The following CMIP variants were observed in gnomAD, a reference collection of about 807,000 sequenced individuals.
The protein encoded by CMIP is C-Maf-inducing protein.
A neutral mutation model predicts 97.3 loss-of-function variants in CMIP; 13 were observed. The observed-to-expected ratio is 0.13, with a 90% CI of 0.09 to 0.21. The LOEUF is 0.21. Among genes scored for constraint, CMIP ranks in the 10% least tolerant of loss-of-function variants. CMIP has a pLI of 1.00. For missense variants in CMIP, 847 were observed against 1,024.9 expected, an observed-to-expected ratio of 0.83 and a Z score of 2.37; for synonymous variants, 538 against 436.3, an observed-to-expected ratio of 1.23 and a Z score of -2.91.
chr16:81,614,698 A>G lies in CMIP; in HGVS notation c.427-6178A>G, dbSNP rs760440571. Among the ~76,000 whole-genome samples the G allele has an allele frequency of 3.5e-4, 51 of 144,918 alleles. No homozygotes were observed. Among genetic ancestry groups the G allele is most frequent in the Non-Finnish European group, 7.0e-4 (46 of 65,726 alleles). The stretch of plus-strand genomic sequence containing the variant: ...ATGGTTTATGTGTGTGTGTGTGTGT[A>G]TGGTATGTCTGCATGTGTGTGCGTA... On this transcript the variant is annotated intron_variant, in intron 2 of 20. Transcript: ENST00000537098. The surrounding 1 kb of genome is among the most constrained non-coding windows in gnomAD (Gnocchi z 5.3).
At chr16:81,672,325 C>G (rs529353365) in intron 9 of CMIP, among the ~76,000 whole-genome samples, 1 of 152,330 alleles carries the variant, frequency 6.6e-6, no homozygotes, top group South Asian at 2.1e-4. Flanking sequence ...GCTTTAGGGA[C>G]AGATGTTTTA....
chr16:81,667,799 A>AGAGAGTGTGTGTGTGTGT, intron 7 of CMIP, among the ~76,000 whole-genome samples: 44 of 58,132 alleles, frequency 7.6e-4, no homozygotes, highest in Non-Finnish European at 1.1e-3. Context: ...AGAGAGAGAG[A>AGAGAGTGTGTGTGTGTGT]GTGTGTGTGT....
chr16:81,527,526 T>C (rs1221428151), intron 1 of CMIP, among the ~76,000 whole-genome samples: 6 of 152,232 alleles, frequency 3.9e-5, no homozygotes, highest in Non-Finnish European at 7.3e-5. Context: ...TCCCATCTCA[T>C]GGACCTACCA....
At chr16:81,696,517 G>A in intron 13 of CMIP, 43 bp from the exon 14 acceptor site, 1 of 1,572,598 alleles carries the variant, frequency 6.4e-7, no homozygotes, top group Non-Finnish European at 8.6e-7. Context: ...CTTGTCACCG[G>A]GGCTGCATGC....
chr16:81,527,816 A>G (rs1230020797), intron 1 of CMIP, among the ~76,000 whole-genome samples: 2 of 152,238 alleles, frequency 1.3e-5, no homozygotes, highest in African/African-American at 2.4e-5. Context: ...TCCTAAAAAT[A>G]TCCCATTCTA....
intron 17 of CMIP, among the ~76,000 whole-genome samples, chr16:81,703,601 GCACA>G (rs577962949): frequency 1.9e-4 from 27 of 138,486 alleles, no homozygotes; most frequent in African/African-American, 5.9e-4. Flanking sequence ...ACACATACAG[GCACA>G]CACACACAGA....
chr16:81,595,969 C>T (rs1037647403), intron 1 of CMIP, among the ~76,000 whole-genome samples: 1 of 152,154 alleles, frequency 6.6e-6, no homozygotes, highest in African/African-American at 2.4e-5. Flanking sequence ...AAAAAGCTGC[C>T]TGCATCATTT....
In CMIP at chr16:81,699,807, G is replaced by A. The variant is rs568489256; in HGVS notation, c.1755+6G>A. The A allele has an allele frequency of 3.0e-4, 481 of 1,594,208 alleles. 2 individuals carry two copies. The South Asian group carries it at 3.2e-3, about 10-fold the overall frequency. On this transcript the variant is annotated splice_donor_region_variant and intron_variant, in intron 15 of 20. Coordinates refer to ENST00000537098, the MANE Select transcript of CMIP (RefSeq NM_198390.3). ...GGAACCAGACCATGGTGGAGGTAAG[G>A]AGCTGGTCGGGGTCCCTGGTGGGGT...
At chr16:81,451,299 C>G (rs1906199986) in intron 1 of CMIP, among the ~76,000 whole-genome samples, 1 of 152,162 alleles carries the variant, frequency 6.6e-6, no homozygotes, top group Non-Finnish European at 1.5e-5. Flanking sequence ...TCGCCTAGCT[C>G]TTTCATTCTC....
chr16:81,687,724 C>G (rs987450988), intron 10 of CMIP, among the ~76,000 whole-genome samples: 2 of 152,202 alleles, frequency 1.3e-5, no homozygotes, highest in Non-Finnish European at 2.9e-5. Context: ...TGTACTCAGA[C>G]TGAGACGCCG....
At chr16:81,456,998 C>T (rs1906589622) in intron 1 of CMIP, among the ~76,000 whole-genome samples, 1 of 152,156 alleles carries the variant, frequency 6.6e-6, no homozygotes, top group Admixed American at 6.5e-5. Context: ...CGCCTGAGAC[C>T]ACCTGACCCT....
At chr16:81,577,635 CCAT>C (rs1184402017) in intron 1 of CMIP, among the ~76,000 whole-genome samples, 12 of 145,432 alleles carry the variant, frequency 8.3e-5, no homozygotes, top group Middle Eastern at 3.7e-3. Context: ...ACCATCACCA[CCAT>C]CATCACCATC....
chr16:81,462,174 G>A (rs1315772490), intron 1 of CMIP, among the ~76,000 whole-genome samples: 1 of 151,990 alleles, frequency 6.6e-6, no homozygotes, highest in African/African-American at 2.4e-5. Context: ...TGGGTGGATG[G>A]TCAGTGAGTC....
chr16:81,470,834 T>C (rs922101904), intron 1 of CMIP, among the ~76,000 whole-genome samples: 3 of 152,244 alleles, frequency 2.0e-5, no homozygotes, highest in African/African-American at 7.2e-5. Flanking sequence ...ATTCTTGACT[T>C]CCTCATGTGA....
At chr16:81,555,330 C>T (rs554537419) in intron 1 of CMIP, among the ~76,000 whole-genome samples, 5 of 152,288 alleles carry the variant, frequency 3.3e-5, no homozygotes, top group African/African-American at 9.6e-5. Context: ...CAAGAACCCC[C>T]CCTAGACTGT....
At chr16:81,608,346 T>C (rs1359304684) in intron 2 of CMIP, among the ~76,000 whole-genome samples, 1 of 152,156 alleles carries the variant, frequency 6.6e-6, no homozygotes, top group Non-Finnish European at 1.5e-5. Context: ...ATCATTAATA[T>C]TGGGCATCTC....
At chr16:81,605,162 A>T (rs1282477314) in intron 1 of CMIP, among the ~76,000 whole-genome samples, 1 of 152,314 alleles carries the variant, frequency 6.6e-6, no homozygotes, top group East Asian at 1.9e-4. Context: ...TTACTGCAGA[A>T]TAGGGAGAAC....
intron 1 of CMIP, among the ~76,000 whole-genome samples, chr16:81,534,793 A>G (rs1172905957): frequency 6.6e-6 from 1 of 152,190 alleles, no homozygotes; most frequent in Non-Finnish European, 1.5e-5. Context: ...TCATTCACTC[A>G]ATAGTGTGCC....
rs137912676 is a variant in CMIP at position 81,479,644 on chromosome 16, T to C, written c.300+34103T>C. 7.8e-3 allele frequency among the ~76,000 whole-genome samples: 1,188 copies of C among 152,294 alleles called. 7 individuals carry two copies. Among genetic ancestry groups the C allele is most frequent in the Middle Eastern group, 0.02 (6 of 294 alleles). On this transcript the variant is annotated intron_variant, in intron 1 of 20. Coordinates refer to ENST00000537098, the MANE Select transcript of CMIP (RefSeq NM_198390.3). ...GGTTATGATTATTATTATTTTGCTT[T>C]TTTTGTTGAGGTGAGATTTACATAA...
Sources: allele counts gnomAD v4.1 joint callset (sites outside exome capture counted in the v4.1 genomes callset), GRCh38; gene constraint gnomAD v4.1.1; non-coding constraint Gnocchi (gnomAD v3.1); transcripts MANE v1.5; gene names NCBI Gene and HGNC (gene_info 2026-07-23, HGNC 2026-07-21).